The following EGFL6 variants were observed in gnomAD, a reference collection of about 807,000 sequenced individuals.
EGFL6 encodes the protein EGF like domain multiple 6, also known as epidermal growth factor-like protein 6.
Under a neutral mutation model 43.1 loss-of-function variants are expected in EGFL6, and 42 were observed. That is an observed-to-expected ratio of 0.98 (90% CI 0.76 to 1.26). EGFL6 has a LOEUF of 1.26. EGFL6 is among the 50% of genes most tolerant of loss of function. The pLI is 0.00. For synonymous variants in EGFL6, 164 were observed against 163.2 expected (o/e 1.01, Z -0.04); for missense variants, 429 against 427.8 (o/e 1.00, Z -0.02).
chrX:13,585,402 A>G (rs1490608489), intron 1 of EGFL6, among the ~76,000 whole-genome samples: 1 of 111,974 alleles, frequency 8.9e-6, no homozygotes, highest in East Asian at 2.8e-4. Context: ...TCTTTGATTT[A>G]AGCTTCTGTA....
chrX:13,629,749 C>T (rs1460345903), intron 11 of EGFL6, among the ~76,000 whole-genome samples: 1 of 112,184 alleles, frequency 8.9e-6, no homozygotes, highest in Non-Finnish European at 1.9e-5. Flanking sequence ...AAAGCCCCAT[C>T]CCATTAGGCT....
Position 13,569,637 on chromosome X carries a change from G to C in EGFL6, c.-225G>C, listed in dbSNP as rs753573115. The C allele has an allele frequency of 1.2e-4, 36 of 293,233 alleles. No individual in the cohort carries two copies. Among genetic ancestry groups the C allele is most frequent in the African/African-American group, 9.1e-4 (32 of 35,255 alleles). The allele number at this position is 293,233 out of a possible 1,213,427, so 24.2% of individuals were successfully genotyped here. A position where few individuals can be genotyped will look rare whatever the true frequency, so the allele number is the denominator to read the frequency against. Reference sequence around the variant, plus strand: ...CCAGCTTCATCCGCAGAGGAGCCTCGGCCAGGCTTGCCAGGGCGCCCCCAG... The same window carrying C: ...CCAGCTTCATCCGCAGAGGAGCCTCCGCCAGGCTTGCCAGGGCGCCCCCAG... On this transcript the variant is annotated 5_prime_UTR_variant, in exon 1 of 12. Transcript: ENST00000361306.
intron 1 of EGFL6, among the ~76,000 whole-genome samples, chrX:13,588,504 G>T (rs1016419753): frequency 9.0e-6 from 1 of 111,571 alleles, no homozygotes; most frequent in Admixed American, 9.5e-5. Context: ...AAGTCTGGTA[G>T]CAACCCTGTC....
At chrX:13,626,643 T>C (rs1037216371) in intron 10 of EGFL6, among the ~76,000 whole-genome samples, 2 of 112,138 alleles carry the variant, frequency 1.8e-5, no homozygotes, top group South Asian at 7.4e-4. Context: ...AAGTGCATTC[T>C]AAGTTTCAAG....
chrX:13,608,367 T>G lies in EGFL6; in HGVS notation c.699T>G (p.His233Gln). ...TGGATAGCCATACGTGCAGCCACCA[T>G]GCCAATTGCTTCAATACCCAAGGGT... is the stretch of plus-strand genomic sequence containing the variant. ...CTMDSHTCSH[H>Q]ANCFNTQGSF... The change falls in exon 7 of 12, where the codon CAT becomes CAG. Residue 233 changes from histidine to glutamine, a missense_variant. Transcript: ENST00000361306. 1 of 1,202,310 alleles carries G rather than the reference T, an allele frequency of 8.3e-7. No homozygotes were observed. The highest frequency in any genetic ancestry group is 1.1e-6 in the Non-Finnish European group (1 of 889,700).
At chrX:13,573,290 G>T (rs1288279094) in intron 1 of EGFL6, among the ~76,000 whole-genome samples, 1 of 111,970 alleles carries the variant, frequency 8.9e-6, no homozygotes, top group Non-Finnish European at 1.9e-5. Flanking sequence ...CTATGGGCTA[G>T]ATTTTATCTT....
At position 13,595,161 on chromosome X, in the gene EGFL6, T is replaced by C. The variant is rs756478460; in HGVS notation, c.280+233T>C. Among the ~76,000 whole-genome samples, 8 of 111,757 alleles carry C rather than the reference T, an allele frequency of 7.2e-5. No individual in the cohort carries two copies. In the South Asian group the frequency reaches 1.9e-3, roughly 26 times the overall value. ...TCTTTTCTTTTCTTTTTTTATCTTT[T>C]TTAAATAAGCTAAAGGTCTTTTATA... On this transcript the variant is annotated intron_variant, in intron 3 of 11. Transcript: ENST00000361306.
chrX:13,623,757 G>A, intron 9 of EGFL6, 67 bp from the exon 10 acceptor site: 2 of 914,602 alleles, frequency 2.2e-6, no homozygotes, highest in Non-Finnish European at 3.2e-6. Flanking sequence ...GCCTTCCAAA[G>A]CCCCAAATGT....
chrX:13,577,275 A>C (rs190798583), intron 1 of EGFL6, among the ~76,000 whole-genome samples: 1 of 100,555 alleles, frequency 9.9e-6, no homozygotes, highest in East Asian at 3.0e-4. Flanking sequence ...GGAGAGGCAC[A>C]TAATGTTATT....
In EGFL6 at chrX:13,616,480, C is replaced by T. The variant is rs138782383; in HGVS notation, c.779-1250C>T. Among the ~76,000 whole-genome samples the T allele has an allele frequency of 1.9e-4, 21 of 110,161 alleles. No homozygotes were observed. The East Asian group carries it at 2.9e-3, about 15-fold the overall frequency. ...CAAAAATTAGCCAGGTGTGGTGGCA[C>T]GCACCTGTGATCCCAGATACTGGGG... On this transcript the variant is annotated intron_variant, in intron 7 of 11. Transcript: ENST00000361306.
intron 9 of EGFL6, among the ~76,000 whole-genome samples, chrX:13,623,273 A>G (rs2146708223): frequency 9.3e-6 from 1 of 108,057 alleles, no homozygotes; most frequent in East Asian, 2.9e-4. Context: ...TTCTGGCCTG[A>G]ATTCGATAAA....
rs772510793 is a variant in EGFL6, at chrX:13,569,908, T to C, written c.47T>C (p.Val16Ala). ...SLALPLLLSWVAGGFGNAASA... is the reference protein window; with the variant it reads ...SLALPLLLSWAAGGFGNAASA... The stretch of plus-strand genomic sequence containing the variant: ...GCGCTCCCGCTGCTGCTCTCCTGGG[T>C]GGCAGGTGGTTTCGGGAACGCGGCC... Residue 16 changes from valine to alanine, a missense_variant, in exon 1 of 12, where the codon GTG (valine) becomes GCG (alanine). Transcript: ENST00000361306. 1 of 1,211,881 alleles carries C rather than the reference T, an allele frequency of 8.3e-7. No individual in the cohort carries two copies. The highest frequency in any genetic ancestry group is 3.0e-5 in the East Asian group (1 of 33,840).
intron 3 of EGFL6, among the ~76,000 whole-genome samples, chrX:13,598,951 T>C (rs1336167637): frequency 9.5e-6 from 1 of 104,733 alleles, no homozygotes; most frequent in African/African-American, 3.4e-5. Flanking sequence ...TTCATATATA[T>C]ATATATATTT....
chrX:13,588,406 C>T (rs1278519063), intron 1 of EGFL6, among the ~76,000 whole-genome samples: 1 of 112,034 alleles, frequency 8.9e-6, no homozygotes, highest in Non-Finnish European at 1.9e-5. Context: ...GTTAAAGAGC[C>T]CAGGAAACAT....
intron 7 of EGFL6, among the ~76,000 whole-genome samples, chrX:13,616,416 C>T: frequency 9.0e-6 from 1 of 111,156 alleles, no homozygotes; most frequent in Non-Finnish European, 1.9e-5. Context: ...TCGAGACTAG[C>T]CTGGCCAACA....
intron 2 of EGFL6, among the ~76,000 whole-genome samples, chrX:13,590,512 A>G (rs1293401698): frequency 8.9e-6 from 1 of 111,759 alleles, no homozygotes; most frequent in Non-Finnish European, 1.9e-5. Context: ...TTATCTATTA[A>G]ATGGGATAAC....
Position 13,633,416 on chromosome X carries a change from GA to G in EGFL6, c.*329del. On this transcript the variant is annotated 3_prime_UTR_variant, in exon 12 of 12. Coordinates refer to ENST00000361306, the MANE Select transcript of EGFL6 (RefSeq NM_015507.4). ...CTCTCTACAACATTTCTAGAAAATAGAAAAAAAAGCACAGAGAAATGTTTAA... is the reference window on the plus strand; with the variant it reads ...CTCTCTACAACATTTCTAGAAAATAGAAAAAAAGCACAGAGAAATGTTTAA... The G allele has an allele frequency of 1.4e-5, 2 of 146,225 alleles. No homozygotes were observed. Among genetic ancestry groups the G allele is most frequent in the Admixed American group, 8.5e-5 (1 of 11,826 alleles). 12.1% of individuals were successfully genotyped at this position (146,225 alleles called of 1,213,427 possible). A position where few individuals can be genotyped will look rare whatever the true frequency, so the allele number is the denominator to read the frequency against.
chrX:13,601,823 T>C (rs1358350501), intron 4 of EGFL6, among the ~76,000 whole-genome samples: 1 of 111,171 alleles, frequency 9.0e-6, no homozygotes, highest in Admixed American at 9.6e-5. Flanking sequence ...CAGAACCTCC[T>C]CCTCCCACCC....
chrX:13,600,004 C>T lies in EGFL6; in HGVS notation c.310C>T (p.Pro104Ser). 1 of 1,210,124 alleles carries T rather than the reference C, an allele frequency of 8.3e-7. No individual in the cohort carries two copies. Among genetic ancestry groups the T allele is most frequent in the Non-Finnish European group, 1.1e-6 (1 of 894,190 alleles). ...DVNECGMKPRPCQHRCVNTHG... is the reference protein window; with the variant it reads ...DVNECGMKPRSCQHRCVNTHG... ...GAATGAGTGTGGAATGAAACCCCGG[C>T]CATGCCAACACAGATGTGTGAATAC... Residue 104 changes from proline (P) to serine (S), a missense_variant, in exon 4 of 12, where the codon CCA (proline) becomes TCA (serine). Coordinates refer to ENST00000361306, the MANE Select transcript of EGFL6 (RefSeq NM_015507.4).
Sources: allele counts gnomAD v4.1 joint callset (sites outside exome capture counted in the v4.1 genomes callset), GRCh38; gene constraint gnomAD v4.1.1; transcripts MANE v1.5; gene names NCBI Gene and HGNC (gene_info 2026-07-23, HGNC 2026-07-21).